LAMTOR5: variants seen among roughly 807,000 people sequenced by gnomAD.
LAMTOR5 encodes the protein late endosomal/lysosomal adaptor, MAPK and MTOR activator 5, also known as ragulator complex protein LAMTOR5.
Under a neutral mutation model 12.1 loss-of-function variants are expected in LAMTOR5, and 8 were observed. The observed-to-expected ratio is 0.66, with a 90% CI of 0.39 to 1.19. LAMTOR5 has a LOEUF of 1.19. Among genes scored for constraint, LAMTOR5 ranks in the 50% most tolerant of loss-of-function variants. The probability of loss-of-function intolerance (pLI) is 0.01; values close to 1 mark genes in which losing one functional copy is unlikely to be tolerated. For synonymous variants in LAMTOR5, 37 were observed against 41.9 expected (o/e 0.88, Z 0.45); for missense variants, 110 against 112.8 (o/e 0.97, Z 0.11).
At chr1:110,406,459 T>C in intron 1 of LAMTOR5, 80 bp from the exon 2 acceptor site, 1 of 911,178 alleles carries the variant, frequency 1.1e-6, no homozygotes, top group Non-Finnish European at 1.7e-6. Context: ...ACAGGTGTTC[T>C]ATGTACCAGG....
intron 3 of LAMTOR5, 92 bp from the exon 4 acceptor site, chr1:110,401,675 T>A: frequency 7.6e-7 from 1 of 1,310,750 alleles, no homozygotes; most frequent in Non-Finnish European, 1.1e-6. Flanking sequence ...ATACAATATT[T>A]AAAATAATGT....
intron 3 of LAMTOR5, among the ~76,000 whole-genome samples, chr1:110,402,892 GACTC>G (rs1263825053): frequency 6.6e-6 from 1 of 152,188 alleles, no homozygotes; most frequent in East Asian, 1.9e-4. Flanking sequence ...AAGTTTTATT[GACTC>G]ACTCAGAGCA....
intron 1 of LAMTOR5, chr1:110,407,145 T>C (rs911893210): frequency 3.2e-6 from 2 of 616,176 alleles, no homozygotes. Flanking sequence ...GTTCGAAAAA[T>C]TTAAAGAATG....
rs747839811 is a variant in LAMTOR5 at position 110,407,682 on chromosome 1, G to A, written c.-62C>T. ...CACGGCACGTCCTTCTCCACCACAGGCCTCAGTCACTTGACGCGAGCGGGG... is the reference window on the plus strand; with the variant it reads ...CACGGCACGTCCTTCTCCACCACAGACCTCAGTCACTTGACGCGAGCGGGG... On this transcript the variant is annotated 5_prime_UTR_variant, in exon 1 of 4. Coordinates refer to ENST00000602318, the MANE Select transcript of LAMTOR5 (RefSeq NM_001382293.1). 6.8e-6 allele frequency: 11 copies of A among 1,614,220 alleles called. No homozygotes were observed. The highest frequency in any genetic ancestry group is 8.5e-7 in the Non-Finnish European group (1 of 1,180,036).
chr1:110,406,412 A>C, intron 1 of LAMTOR5, 33 bp from the exon 2 acceptor site: 1 of 1,488,398 alleles, frequency 6.7e-7, no homozygotes, highest in Non-Finnish European at 9.3e-7. Context: ...GTTGAAGTAC[A>C]TAATGGGAGA....
intron 2 of LAMTOR5, among the ~76,000 whole-genome samples, chr1:110,405,366 T>C (rs1358003022): frequency 6.6e-6 from 1 of 152,112 alleles, no homozygotes; most frequent in Non-Finnish European, 1.5e-5. Flanking sequence ...GGTTTCACCA[T>C]GTTGGCCAGG....
chr1:110,406,039 A>G (rs1663322404), intron 2 of LAMTOR5, among the ~76,000 whole-genome samples: 1 of 152,244 alleles, frequency 6.6e-6, no homozygotes, highest in African/African-American at 2.4e-5. Context: ...TATTATCTGA[A>G]GTCCTTTCTA....
In LAMTOR5 at chr1:110,406,245, A is replaced by G; in HGVS notation, c.97+73T>C. On this transcript the variant is annotated intron_variant, in intron 2 of 3. Coordinates refer to ENST00000602318, the MANE Select transcript of LAMTOR5 (RefSeq NM_001382293.1). ...AACAGGAAATAAAAGCTAGAAAATA[A>G]TAGCACGCTAGGCTCCAAGTCAACA... The G allele has an allele frequency of 4.0e-6, 4 of 1,009,522 alleles. No individual in the cohort carries two copies. The South Asian group carries it at 5.0e-5, about 13-fold the overall frequency. 62.5% of individuals were successfully genotyped at this position (1,009,522 alleles called of 1,614,324 possible).
At chr1:110,407,012 C>T (rs1377754848) in intron 1 of LAMTOR5, 2 of 688,978 alleles carry the variant, frequency 2.9e-6, no homozygotes, top group Non-Finnish European at 5.3e-6. Flanking sequence ...TTTAAAACAA[C>T]TGTTGAAAAA....
chr1:110,401,290 C>T lies in LAMTOR5; in HGVS notation c.*233G>A. 1 of 368,794 alleles carries T rather than the reference C, an allele frequency of 2.7e-6. No individual in the cohort carries two copies. The highest frequency in any genetic ancestry group is 4.9e-6 in the Non-Finnish European group (1 of 205,760). The allele number at this position is 368,794 out of a possible 1,614,324, so 22.8% of individuals were successfully genotyped here. On this transcript the variant is annotated 3_prime_UTR_variant, in exon 4 of 4. Coordinates refer to ENST00000602318, the MANE Select transcript of LAMTOR5 (RefSeq NM_001382293.1). ...CAGATTTATTGAATACAGCAAAATT[C>T]TATATACAAAGTGACCTGGACCTGC...
chr1:110,407,478 C>T (rs529056955), intron 1 of LAMTOR5, 108 bp downstream of exon 1: 483 of 1,372,408 alleles, frequency 3.5e-4, no homozygotes, highest in Non-Finnish European at 5.4e-5. Flanking sequence ...GGGGGTCGCG[C>T]GACGTCCCCG....
chr1:110,407,422 CGCCCTGCGGCCTTGGGTA>C (rs1663356205), intron 1 of LAMTOR5, 146 bp downstream of exon 1: 1 of 872,054 alleles, frequency 1.1e-6, no homozygotes, highest in African/African-American at 1.7e-5. Flanking sequence ...TCACCCGCCC[CGCCCTGCGGCCTTGGGTA>C]GAGTTTAGCC....
Position 110,407,678 on chromosome 1 carries a change from A to G in LAMTOR5, c.-58T>C, listed in dbSNP as rs370190988. The G allele has an allele frequency of 1.2e-6, 2 of 1,613,958 alleles. No homozygotes were observed. Among genetic ancestry groups the G allele is most frequent in the Admixed American group, 1.7e-5 (1 of 59,988 alleles). On this transcript the variant is annotated 5_prime_UTR_variant, in exon 1 of 4. Transcript: ENST00000602318. The stretch of plus-strand genomic sequence containing the variant: ...GCGGCACGGCACGTCCTTCTCCACC[A>G]CAGGCCTCAGTCACTTGACGCGAGC...
intron 3 of LAMTOR5, among the ~76,000 whole-genome samples, chr1:110,402,272 A>AC (rs1317510485): frequency 6.6e-6 from 1 of 152,084 alleles, no homozygotes; most frequent in Non-Finnish European, 1.5e-5. Flanking sequence ...TTTTTTTGAG[A>AC]CGGAGTCTTG....
At chr1:110,407,753 G>A (rs778613486), upstream of LAMTOR5, 27 of 1,614,078 alleles carry the variant, frequency 1.7e-5, no homozygotes, top group Non-Finnish European at 2.0e-5. Flanking sequence ...TGATCACGGT[G>A]CAACGTCCGC....
intron 2 of LAMTOR5, among the ~76,000 whole-genome samples, chr1:110,405,406 C>T (rs1663308261): frequency 1.3e-5 from 2 of 152,056 alleles, no homozygotes; most frequent in Admixed American, 6.5e-5. Flanking sequence ...CTCAGGTGAT[C>T]CACCCGCCTC....
At chr1:110,405,910 T>A (rs1344567652) in intron 2 of LAMTOR5, among the ~76,000 whole-genome samples, 1 of 152,186 alleles carries the variant, frequency 6.6e-6, no homozygotes, top group Non-Finnish European at 1.5e-5. Context: ...TTAGTGTAGT[T>A]GAGCTTCAAA....
intron 2 of LAMTOR5, among the ~76,000 whole-genome samples, 178 bp downstream of exon 2, chr1:110,406,139 AC>A (rs1663323653): frequency 6.6e-6 from 1 of 152,242 alleles, no homozygotes. Flanking sequence ...CTTCATAAAT[AC>A]CAACTGAAAA....
intron 2 of LAMTOR5, among the ~76,000 whole-genome samples, chr1:110,405,163 CTTTT>C (rs1351144264): frequency 7.1e-6 from 1 of 140,008 alleles, no homozygotes; most frequent in Non-Finnish European, 1.6e-5. Context: ...GTCTCAGTTT[CTTTT>C]TTTATTTTTT....
Sources: gnomAD v4.1 joint callset for allele counts (sites outside exome capture counted in the v4.1 genomes callset) on GRCh38, gnomAD v4.1.1 for gene constraint, MANE v1.5 for transcripts, NCBI Gene and HGNC (gene_info 2026-07-23, HGNC 2026-07-21) for gene names.